VPS13B: variants seen among roughly 807,000 people sequenced by gnomAD.
The protein encoded by VPS13B is intermembrane lipid transfer protein VPS13B.
Under a neutral mutation model 426.4 loss-of-function variants are expected in VPS13B, and 285 were observed. That is an observed-to-expected ratio of 0.67 (90% CI 0.61 to 0.74). VPS13B has a LOEUF of 0.74. VPS13B is among the 30% of genes least tolerant of loss of function. The pLI, the probability that VPS13B is intolerant of heterozygous loss-of-function variation, is 0.00. For missense variants in VPS13B, 4,537 were observed against 4,782.6 expected (o/e 0.95, Z 1.51); for synonymous variants, 1,676 against 1,676.4 (o/e 1.00, Z 0.01).
chr8:99,326,628 A>G (rs1343724281), intron 19 of VPS13B, among the ~76,000 whole-genome samples: 1 of 151,118 alleles, frequency 6.6e-6, no homozygotes, highest in Non-Finnish European at 1.5e-5. Context: ...CAAACTGGAG[A>G]GCTCAAGCGA....
At chr8:99,840,732 G>A (rs1815640932) in intron 54 of VPS13B, among the ~76,000 whole-genome samples, 1 of 152,130 alleles carries the variant, frequency 6.6e-6, no homozygotes, top group Non-Finnish European at 1.5e-5. Context: ...ACTCAAATGT[G>A]TAATCTGTCC....
intron 21 of VPS13B, among the ~76,000 whole-genome samples, chr8:99,408,758 A>G (rs1815464662): frequency 6.6e-6 from 1 of 152,190 alleles, no homozygotes; most frequent in African/African-American, 2.4e-5. Flanking sequence ...TTTGTAGAGA[A>G]GAGAAATGGC....
At chr8:99,160,397 G>A (rs547008883) in intron 15 of VPS13B, among the ~76,000 whole-genome samples, 2 of 152,064 alleles carry the variant, frequency 1.3e-5, no homozygotes, top group Non-Finnish European at 2.9e-5. Context: ...CGTGGCTAAC[G>A]CCTGTAATCT....
At chr8:99,547,254 G>T (rs1430471791) in intron 30 of VPS13B, among the ~76,000 whole-genome samples, 1 of 152,038 alleles carries the variant, frequency 6.6e-6, no homozygotes, top group Non-Finnish European at 1.5e-5. Flanking sequence ...GCACTCTGAA[G>T]ATTAGTACTC....
rs190771253 is a variant in VPS13B, at chr8:99,645,146, A to G, written c.5908+2648A>G. Among the ~76,000 whole-genome samples, 54 of 152,300 alleles carry G rather than the reference A, an allele frequency of 3.5e-4. No individual in the cohort carries two copies. In the Middle Eastern group the frequency reaches 0.01, roughly 29 times the overall value. On this transcript the variant is annotated intron_variant, in intron 34 of 61. Transcript: ENST00000357162. ...AGCCTCTATTGTCCCACTTCAGACC[A>G]TGCAAAAGATTCCTGTCTAAGTTTT...
rs146831667 is a variant in VPS13B at position 99,047,381 on chromosome 8, G to A, written c.291+8815G>A. Among the ~76,000 whole-genome samples the A allele has an allele frequency of 6.4e-3, 966 of 152,044 alleles. 8 individuals carry two copies. Among genetic ancestry groups the A allele is most frequent in the African/African-American group, 0.022 (904 of 41,498 alleles). ...TGTCTTGTCCGTTGTAATATTTCCCGTTTCGTTTCTAATTGAGCTTATTTG... is the reference window on the plus strand; with the variant it reads ...TGTCTTGTCCGTTGTAATATTTCCCATTTCGTTTCTAATTGAGCTTATTTG... On this transcript the variant is annotated intron_variant, in intron 3 of 61. Transcript: ENST00000357162.
intron 8 of VPS13B, among the ~76,000 whole-genome samples, chr8:99,125,900 T>A (rs1848168043): frequency 6.6e-6 from 1 of 151,944 alleles, no homozygotes; most frequent in East Asian, 1.9e-4. Context: ...AATGGGGAAA[T>A]AGCTGGTTGG....
intron 4 of VPS13B, among the ~76,000 whole-genome samples, chr8:99,101,439 TG>T (rs1846742667): frequency 6.6e-6 from 1 of 152,210 alleles, no homozygotes; most frequent in Non-Finnish European, 1.5e-5. Flanking sequence ...GCCCCATTTT[TG>T]TTTTTAAAAT....
chr8:99,292,006 A>G (rs1016926199), intron 19 of VPS13B, among the ~76,000 whole-genome samples: 18 of 152,120 alleles, frequency 1.2e-4, no homozygotes, highest in Non-Finnish European at 2.5e-4. Flanking sequence ...AAAAGATTGT[A>G]GAATATAAGA....
At chr8:99,425,636 T>C (rs1816655195) in intron 21 of VPS13B, among the ~76,000 whole-genome samples, 1 of 152,178 alleles carries the variant, frequency 6.6e-6, no homozygotes, top group African/African-American at 2.4e-5. Context: ...ACTGGAAGCA[T>C]TCCCTTTGAA....
chr8:99,475,632 G>C (rs888043244), intron 24 of VPS13B, among the ~76,000 whole-genome samples: 16 of 152,146 alleles, frequency 1.1e-4, no homozygotes, highest in Admixed American at 9.8e-4. Flanking sequence ...ACATTGTTTG[G>C]AGCTAAGCTC....
chr8:99,375,643 C>T (rs1178710136), intron 19 of VPS13B, among the ~76,000 whole-genome samples: 1 of 152,132 alleles, frequency 6.6e-6, no homozygotes, highest in Non-Finnish European at 1.5e-5. Flanking sequence ...TATACATTAC[C>T]TTTGTTTTTG....
chr8:99,834,754 T>C (rs924956829), intron 52 of VPS13B, among the ~76,000 whole-genome samples: 4 of 152,138 alleles, frequency 2.6e-5, no homozygotes, highest in Non-Finnish European at 5.9e-5. Flanking sequence ...GAGATGGGGT[T>C]TTGCCCTTTT....
At chr8:99,598,085 G>T (rs1056707778) in intron 33 of VPS13B, among the ~76,000 whole-genome samples, 1 of 152,020 alleles carries the variant, frequency 6.6e-6, no homozygotes, top group African/African-American at 2.4e-5. Context: ...ACATACCATG[G>T]AGTGCTTTGA....
intron 33 of VPS13B, among the ~76,000 whole-genome samples, chr8:99,640,022 T>TAAGAAG (rs1278292892): frequency 4.8e-4 from 43 of 89,386 alleles, no homozygotes; most frequent in Middle Eastern, 4.4e-3. Flanking sequence ...ATAATAATAA[T>TAAGAAG]AATAAGAAGA....
rs144830924 is a variant in VPS13B, at chr8:99,275,178, A to G, written c.2748A>G (p.Pro916=). Reference sequence around the variant, plus strand: ...AGTGGCTCAATGAGAGTAGAAAGCCAGAGTCTCTCTTAGCTCCAGATTTGA... The same window carrying G: ...AGTGGCTCAATGAGAGTAGAAAGCCGGAGTCTCTCTTAGCTCCAGATTTGA... ...STKWLNESRK[P]ESLLAPDLMA... The change falls in exon 19 of 62, where the codon CCA becomes CCG. Residue 916 remains proline (P), a synonymous_variant. Transcript: ENST00000357162. 2.0e-4 allele frequency: 324 copies of G among 1,613,096 alleles called. No individual in the cohort carries two copies. The highest frequency in any genetic ancestry group is 2.6e-4 in the Non-Finnish European group (310 of 1,179,516).
At chr8:99,321,940 G>T (rs1194709836) in intron 19 of VPS13B, among the ~76,000 whole-genome samples, 1 of 152,178 alleles carries the variant, frequency 6.6e-6, no homozygotes, top group Non-Finnish European at 1.5e-5. Flanking sequence ...TCTTTTAGTT[G>T]TATCAAAATG....
At chr8:99,317,542 A>C (rs1320466335) in intron 19 of VPS13B, among the ~76,000 whole-genome samples, 1 of 152,158 alleles carries the variant, frequency 6.6e-6, no homozygotes, top group Non-Finnish European at 1.5e-5. Context: ...GTGTAGACAT[A>C]AAATTCATTT....
chr8:99,256,512 T>C (rs1203649759), intron 17 of VPS13B, among the ~76,000 whole-genome samples: 3 of 152,310 alleles, frequency 2.0e-5, no homozygotes, highest in Admixed American at 2.0e-4. Context: ...CCACTAACAA[T>C]ATACAAGGGT....
Sources: gnomAD v4.1 joint callset for allele counts (sites outside exome capture counted in the v4.1 genomes callset) on GRCh38, gnomAD v4.1.1 for gene constraint, MANE v1.5 for transcripts, NCBI Gene and HGNC (gene_info 2026-07-23, HGNC 2026-07-21) for gene names.